Variants in PDE10A observed in about 807,000 individuals in gnomAD.
The protein encoded by PDE10A is cAMP and cAMP-inhibited cGMP 3',5'-cyclic phosphodiesterase 10A.
In PDE10A, 39 loss-of-function variants were observed where a neutral mutation model predicts 97.7. That is an observed-to-expected ratio of 0.40 (90% confidence interval 0.31 to 0.52). PDE10A has a LOEUF of 0.52. Among genes scored for constraint, PDE10A ranks in the 20% least tolerant of loss-of-function variants. The probability of loss-of-function intolerance (pLI) is 0.56; values close to 1 mark genes in which losing one functional copy is unlikely to be tolerated. For missense variants in PDE10A, 731 were observed against 1,047.8 expected (o/e 0.70, Z 4.17); for synonymous variants, 371 against 376.8 (o/e 0.98, Z 0.18).
intron 1 of PDE10A, among the ~76,000 whole-genome samples, chr6:165,908,124 C>G (rs772508411): frequency 6.6e-6 from 1 of 152,144 alleles, no homozygotes; most frequent in African/African-American, 2.4e-5. Flanking sequence ...AAAAGTAAGG[C>G]TAAGTTTTGC....
At chr6:165,451,167 G>A (rs965774415) in intron 3 of PDE10A, among the ~76,000 whole-genome samples, 2 of 152,162 alleles carry the variant, frequency 1.3e-5, no homozygotes, top group South Asian at 2.1e-4. Context: ...AGAGTTAGGC[G>A]CTTGCACTGC....
At chr6:165,404,696 G>C (rs1439984939) in intron 13 of PDE10A, among the ~76,000 whole-genome samples, 3 of 152,034 alleles carry the variant, frequency 2.0e-5, no homozygotes, top group Non-Finnish European at 4.4e-5. Flanking sequence ...AGAATGGAAA[G>C]ATGAATAGAT....
At chr6:165,568,103 A>G (rs2128342484) in intron 1 of PDE10A, among the ~76,000 whole-genome samples, 1 of 143,862 alleles carries the variant, frequency 7.0e-6, no homozygotes, top group South Asian at 2.3e-4. Flanking sequence ...GGTTCACGCC[A>G]TTCTCCTGCC....
At chr6:165,716,502 T>C (rs1443466121) in intron 1 of PDE10A, among the ~76,000 whole-genome samples, 1 of 152,180 alleles carries the variant, frequency 6.6e-6, no homozygotes, top group African/African-American at 2.4e-5. Context: ...AAGAAAAAGA[T>C]ATTGGAGTTA....
At chr6:165,883,538 T>C (rs1369176686) in intron 1 of PDE10A, among the ~76,000 whole-genome samples, 2 of 71,974 alleles carry the variant, frequency 2.8e-5, no homozygotes, top group South Asian at 1.1e-3. Flanking sequence ...AGACTCCGTC[T>C]CAAAAAAAAA....
intron 1 of PDE10A, among the ~76,000 whole-genome samples, chr6:165,700,257 A>G (rs554529587): frequency 1.2e-4 from 18 of 152,306 alleles, no homozygotes; most frequent in Non-Finnish European, 1.5e-4. Flanking sequence ...GAAAATCTAT[A>G]AAGACAGAAG....
At chr6:165,497,502 C>A (rs1306349458) in intron 2 of PDE10A, among the ~76,000 whole-genome samples, 1 of 152,078 alleles carries the variant, frequency 6.6e-6, no homozygotes, top group African/African-American at 2.4e-5. Flanking sequence ...TCTCTCATAT[C>A]TAAAAGAAAA....
chr6:165,655,804 C>T lies in PDE10A; in HGVS notation c.865+6143G>A, dbSNP rs543836862. Reference sequence around the variant, plus strand: ...TTCCTCTGACTGACAAAGCCTTCATCCGGCCCATTTGCCACTTCACTTGCC... The same window carrying T: ...TTCCTCTGACTGACAAAGCCTTCATTCGGCCCATTTGCCACTTCACTTGCC... On this transcript the variant is annotated intron_variant, in intron 1 of 21. Transcript: ENST00000539869. This position sits in a 1 kb window ranked among gnomAD's most constrained non-coding sequence, Gnocchi z 4.5. 3.0e-4 allele frequency among the ~76,000 whole-genome samples: 46 copies of T among 152,266 alleles called. No individual in the cohort carries two copies. The highest frequency in any genetic ancestry group is 7.2e-4 in the Admixed American group (11 of 15,284).
chr6:165,713,915 T>G (rs1232504166), intron 1 of PDE10A, among the ~76,000 whole-genome samples: 1 of 152,244 alleles, frequency 6.6e-6, no homozygotes, highest in Admixed American at 6.5e-5. Context: ...ATTTTTGATA[T>G]GTCATAAGTA....
chr6:165,486,204 T>TA (rs1346445690), intron 2 of PDE10A, among the ~76,000 whole-genome samples: 4 of 152,204 alleles, frequency 2.6e-5, no homozygotes, highest in African/African-American at 9.6e-5. Flanking sequence ...GATATATTTT[T>TA]CGGGGGGATG....
At chr6:165,585,009 C>G (rs1025020234) in intron 1 of PDE10A, among the ~76,000 whole-genome samples, 1 of 152,222 alleles carries the variant, frequency 6.6e-6, no homozygotes, top group Non-Finnish European at 1.5e-5. Flanking sequence ...TGGGTATACA[C>G]ATTTTTAAGC....
At chr6:165,503,035 G>A (rs1780985073) in intron 2 of PDE10A, among the ~76,000 whole-genome samples, 1 of 152,084 alleles carries the variant, frequency 6.6e-6, no homozygotes, top group Admixed American at 6.5e-5. Context: ...AAAGAAACAA[G>A]AAAAGTGTGT....
rs374043233 is a variant in PDE10A, at chr6:165,416,286, A to G, written c.1797-5T>C. 2.0e-5 allele frequency: 32 copies of G among 1,584,674 alleles called. No individual in the cohort carries two copies. Among genetic ancestry groups the G allele is most frequent in the Non-Finnish European group, 2.8e-5 (32 of 1,153,186 alleles). ...ATTCCTTTCTCAATTGAAAATCTGC[A>G]TATGTAAAAGAGAAGGACATGCTAA... On this transcript the variant is annotated splice_region_variant and splice_polypyrimidine_tract_variant and intron_variant, in intron 11 of 21. Coordinates refer to ENST00000539869, the MANE Select transcript of PDE10A (RefSeq NM_001385079.1).
At chr6:165,879,576 G>C (rs1781423556) in intron 1 of PDE10A, among the ~76,000 whole-genome samples, 1 of 152,162 alleles carries the variant, frequency 6.6e-6, no homozygotes, top group Non-Finnish European at 1.5e-5. Context: ...ATCTTCAGGG[G>C]ATTGGTTCCA....
At chr6:165,542,712 G>A (rs913557271) in intron 2 of PDE10A, among the ~76,000 whole-genome samples, 2 of 142,198 alleles carry the variant, frequency 1.4e-5, no homozygotes, top group South Asian at 2.3e-4. Flanking sequence ...TCCGCCTCCC[G>A]GGTTCACGCC....
At chr6:165,840,257 C>T (rs1039206348) in intron 1 of PDE10A, among the ~76,000 whole-genome samples, 4 of 146,258 alleles carry the variant, frequency 2.7e-5, no homozygotes, top group African/African-American at 9.9e-5. Context: ...CCATCCTTAT[C>T]TCCCTCACAC....
At chr6:165,755,882 G>A (rs1214063611) in intron 1 of PDE10A, among the ~76,000 whole-genome samples, 1 of 152,168 alleles carries the variant, frequency 6.6e-6, no homozygotes, top group Non-Finnish European at 1.5e-5. Context: ...GTATTGAGGT[G>A]TCTGGCGTAT....
intron 1 of PDE10A, among the ~76,000 whole-genome samples, chr6:165,881,549 C>A (rs540957584): frequency 6.8e-6 from 1 of 146,700 alleles, no homozygotes; most frequent in Non-Finnish European, 1.5e-5. Context: ...CAGGTGCGCA[C>A]CACCATGCCC....
At position 165,674,666 on chromosome 6, in the gene PDE10A, A is replaced by G. The variant is rs534695972; in HGVS notation, c.-614-131098T>C. 1.5e-4 allele frequency among the ~76,000 whole-genome samples: 23 copies of G among 152,314 alleles called. 1 individual carries two copies. The highest frequency in any genetic ancestry group is 3.4e-4 in the African/African-American group (14 of 41,564). ...GACTGGCCAGGACAAAGGAAAGCCA[A>G]TGGGCTTATCACAGAAGGAGAGAAG... On this transcript the variant is annotated intron_variant, in intron 1 of 19. Transcript: ENST00000366882.
Sources: gnomAD v4.1 joint callset for allele counts (sites outside exome capture counted in the v4.1 genomes callset) on GRCh38, gnomAD v4.1.1 for gene constraint, Gnocchi (gnomAD v3.1) non-coding constraint, MANE v1.5 for transcripts, NCBI Gene and HGNC (gene_info 2026-07-23, HGNC 2026-07-21) for gene names.